Variants in CCDC73 observed in about 807,000 individuals in gnomAD.
CCDC73 encodes the protein coiled-coil domain containing 73.
Under a neutral mutation model 116.5 loss-of-function variants are expected in CCDC73, and 95 were observed. The observed-to-expected ratio is 0.82, with a 90% confidence interval of 0.69 to 0.97. The LOEUF (loss-of-function observed/expected upper bound fraction) is 0.97, where lower values mean the gene tolerates loss of function less well. Among genes scored for constraint, CCDC73 ranks in the 50% least tolerant of loss-of-function variants. CCDC73 has a pLI of 0.00. For missense variants in CCDC73, 1,066 were observed against 1,206.8 expected (o/e 0.88, Z 1.73); for synonymous variants, 398 against 401.3 (o/e 0.99, Z 0.10).
intron 13 of CCDC73, among the ~76,000 whole-genome samples, chr11:32,636,673 T>G (rs1855681616): frequency 6.6e-6 from 1 of 152,100 alleles, no homozygotes; most frequent in Admixed American, 6.5e-5. Context: ...TAATTACTAT[T>G]CCTAATATTT....
chr11:32,663,473 GCT>G (rs1246355105), intron 9 of CCDC73, among the ~76,000 whole-genome samples: 3 of 152,018 alleles, frequency 2.0e-5, no homozygotes, highest in Non-Finnish European at 4.4e-5. Context: ...TCATGATTTG[GCT>G]CTCTGTTTGT....
At chr11:32,758,902 G>A (rs1210339995) in intron 2 of CCDC73, among the ~76,000 whole-genome samples, 1 of 152,030 alleles carries the variant, frequency 6.6e-6, no homozygotes, top group East Asian at 1.9e-4. Context: ...TCTTAAAACA[G>A]ACTTTTATTA....
At chr11:32,802,306 A>C in the CCDC73 span, among the ~76,000 whole-genome samples, 4 of 152,234 alleles carry the variant, frequency 2.6e-5, no homozygotes, top group Non-Finnish European at 5.9e-5. Flanking sequence ...AGGCATGACC[A>C]AAAAACACAG....
rs183030599 is a variant in CCDC73 at position 32,639,265 on chromosome 11, T to C, written c.1050+2707A>G. On this transcript the variant is annotated intron_variant, in intron 13 of 17. Transcript: ENST00000335185. ...GAAAATGATTTATTTTGTGCTTTCATAGTACTTTGTTAATAATGCTAAAAA... is the reference window on the plus strand; with the variant it reads ...GAAAATGATTTATTTTGTGCTTTCACAGTACTTTGTTAATAATGCTAAAAA... Among the ~76,000 whole-genome samples the C allele has an allele frequency of 6.0e-3, 908 of 152,014 alleles. 16 individuals are homozygous for C. Among genetic ancestry groups the C allele is most frequent in the African/African-American group, 0.021 (877 of 41,310 alleles).
intron 17 of CCDC73, among the ~76,000 whole-genome samples, chr11:32,607,453 G>T (rs550785120): frequency 1.9e-4 from 29 of 152,282 alleles, no homozygotes; most frequent in African/African-American, 6.5e-4. Flanking sequence ...TAGACAAAAA[G>T]AACTCCCCTA....
At chr11:32,771,486 C>T (rs963521032) in intron 1 of CCDC73, among the ~76,000 whole-genome samples, 15 of 152,114 alleles carry the variant, frequency 9.9e-5, no homozygotes, top group African/African-American at 3.4e-4. Flanking sequence ...GCCACTATTC[C>T]TCCCCTTTTT....
intron 2 of CCDC73, among the ~76,000 whole-genome samples, chr11:32,750,376 G>T (rs983928626): frequency 1.3e-5 from 2 of 152,116 alleles, no homozygotes; most frequent in Admixed American, 1.3e-4. Flanking sequence ...AGGCCTTAGC[G>T]ATCTACAATC....
chr11:32,776,960 TACAC>T (rs61055031), intron 1 of CCDC73, among the ~76,000 whole-genome samples: 2 of 37,842 alleles, frequency 5.3e-5, no homozygotes, highest in Non-Finnish European at 1.2e-4. Context: ...TATATATATA[TACAC>T]ACACACACAT....
intron 9 of CCDC73, among the ~76,000 whole-genome samples, chr11:32,660,371 T>C (rs947220381): frequency 2.0e-5 from 3 of 151,470 alleles, no homozygotes; most frequent in Non-Finnish European, 2.9e-5. Flanking sequence ...AGCTCCAGGA[T>C]TCTTCCAACC....
At chr11:32,733,879 C>T (rs1850101919) in intron 2 of CCDC73, among the ~76,000 whole-genome samples, 1 of 152,152 alleles carries the variant, frequency 6.6e-6, no homozygotes, top group Admixed American at 6.5e-5. Flanking sequence ...CAAGAGCAAA[C>T]ACATTCCAAA....
At position 32,661,841 on chromosome 11, in the gene CCDC73, G is replaced by C. The variant is rs1257155596; in HGVS notation, c.646-6869C>G. Among the ~76,000 whole-genome samples, 6 of 147,840 alleles carry C rather than the reference G, an allele frequency of 4.1e-5. No individual in the cohort carries two copies. In the East Asian group the frequency reaches 1.0e-3, roughly 25 times the overall value. ...TAATGCTATCCCTCCCCTCTCCCCC[G>C]ACCCCACAACAGTCCCCGGAGTGTG... is the stretch of plus-strand genomic sequence containing the variant. On this transcript the variant is annotated intron_variant, in intron 9 of 17. Transcript: ENST00000335185.
intron 9 of CCDC73, among the ~76,000 whole-genome samples, chr11:32,667,123 A>C (rs1484472300): frequency 6.6e-6 from 1 of 152,188 alleles, no homozygotes; most frequent in Non-Finnish European, 1.5e-5. Context: ...GACCCACTTG[A>C]GGAGGCAGTC....
chr11:32,691,460 G>A (rs1443586287), intron 6 of CCDC73, among the ~76,000 whole-genome samples: 1 of 152,142 alleles, frequency 6.6e-6, no homozygotes, highest in African/African-American at 2.4e-5. Context: ...GACACATGAT[G>A]TGGCACATCT....
At chr11:32,629,770 C>CAAAAA (rs33970031) in intron 14 of CCDC73, among the ~76,000 whole-genome samples, 16 of 121,628 alleles carry the variant, frequency 1.3e-4, no homozygotes, top group Admixed American at 2.6e-4. Flanking sequence ...CAATGCAAGC[C>CAAAAA]AAAAAAAAAA....
chr11:32,698,042 T>G (rs1162419529), intron 6 of CCDC73, among the ~76,000 whole-genome samples: 5 of 126,034 alleles, frequency 4.0e-5, no homozygotes, highest in African/African-American at 1.5e-4. Flanking sequence ...TTTTTTTTTT[T>G]GAGACGGAGT....
At chr11:32,692,054 A>G (rs960668175) in intron 6 of CCDC73, among the ~76,000 whole-genome samples, 1 of 148,556 alleles carries the variant, frequency 6.7e-6, no homozygotes, top group African/African-American at 2.6e-5. Context: ...TCTCACAAAA[A>G]AAAAAAAAAA....
intron 3 of CCDC73, among the ~76,000 whole-genome samples, chr11:32,708,797 C>A (rs1407404884): frequency 6.6e-6 from 1 of 152,124 alleles, no homozygotes; most frequent in Non-Finnish European, 1.5e-5. Context: ...TTTGCCAGTT[C>A]TAGGAGCTTT....
intron 13 of CCDC73, among the ~76,000 whole-genome samples, 186 bp from the exon 14 acceptor site, chr11:32,636,016 T>C (rs1195983285): frequency 1.3e-5 from 2 of 152,138 alleles, no homozygotes; most frequent in South Asian, 2.1e-4. Context: ...CATAACTGCA[T>C]ACTCAGCAAA....
At chr11:32,664,129 G>A (rs1402133718) in intron 9 of CCDC73, among the ~76,000 whole-genome samples, 2 of 152,150 alleles carry the variant, frequency 1.3e-5, no homozygotes, top group Admixed American at 6.5e-5. Flanking sequence ...AGGGATATTG[G>A]TCTAAAATTC....
Sources: gnomAD v4.1 joint callset for allele counts (sites outside exome capture counted in the v4.1 genomes callset) on GRCh38, gnomAD v4.1.1 for gene constraint, MANE v1.5 for transcripts, NCBI Gene and HGNC (gene_info 2026-07-23, HGNC 2026-07-21) for gene names.